The following NAALADL2 variants were observed in gnomAD, a reference collection of about 807,000 sequenced individuals.
NAALADL2 encodes the protein inactive N-acetylated-alpha-linked acidic dipeptidase-like protein 2.
NAALADL2 carries 76 observed loss-of-function variants against 87.2 expected under a neutral mutation model. The ratio of observed to expected loss-of-function variants is 0.87; its 90% confidence interval spans 0.72 to 1.05. NAALADL2 has a LOEUF of 1.05. Ranked by LOEUF, NAALADL2 falls within the 50% of genes least tolerant of loss-of-function variation. The probability of loss-of-function intolerance (pLI) is 0.00; values close to 1 mark genes in which losing one functional copy is unlikely to be tolerated. For synonymous variants in NAALADL2, 354 were observed against 331.0 expected (o/e 1.07, Z -0.75); for missense variants, 1,089 against 945.8 (o/e 1.15, Z -1.99).
intron 1 of NAALADL2, among the ~76,000 whole-genome samples, chr3:174,938,799 G>T (rs2108456638): frequency 6.6e-6 from 1 of 152,016 alleles, no homozygotes; most frequent in South Asian, 2.1e-4. Flanking sequence ...TTACATGCTT[G>T]TTGATCACAT....
At chr3:174,705,513 G>A (rs1007385634) in intron 2 of NAALADL2, among the ~76,000 whole-genome samples, 1 of 152,100 alleles carries the variant, frequency 6.6e-6, no homozygotes, top group Admixed American at 6.5e-5. Flanking sequence ...GGCCGGGCGC[G>A]ATGGCTCACG....
At chr3:175,022,042 G>C (rs1007081544) in intron 1 of NAALADL2, among the ~76,000 whole-genome samples, 10 of 151,892 alleles carry the variant, frequency 6.6e-5, no homozygotes, top group African/African-American at 2.4e-4. Flanking sequence ...TTGTTAAATA[G>C]AGCTTGGTAC....
chr3:175,001,801 C>A (rs1042141821), intron 1 of NAALADL2, among the ~76,000 whole-genome samples: 1 of 152,114 alleles, frequency 6.6e-6, no homozygotes, highest in African/African-American at 2.4e-5. Flanking sequence ...GCATCCTAAG[C>A]TGAAAACCCC....
intron 5 of NAALADL2, among the ~76,000 whole-genome samples, chr3:175,423,049 A>T (rs1207854042): frequency 2.7e-5 from 3 of 112,532 alleles, no homozygotes; most frequent in Admixed American, 2.1e-4. Flanking sequence ...ATATATATAT[A>T]TATTTTTTTT....
chr3:174,710,001 A>C (rs1730464036), intron 2 of NAALADL2, among the ~76,000 whole-genome samples: 1 of 152,186 alleles, frequency 6.6e-6, no homozygotes, highest in Non-Finnish European at 1.5e-5. Flanking sequence ...TGTGATTCAC[A>C]CTGATTTAAA....
intron 2 of NAALADL2, among the ~76,000 whole-genome samples, chr3:175,114,437 G>A (rs977283984): frequency 1.3e-5 from 2 of 151,522 alleles, no homozygotes; most frequent in African/African-American, 4.8e-5. Context: ...TAGGCTGTGG[G>A]GAATGTGTAT....
Position 174,495,277 on chromosome 3 carries a change from A to C in NAALADL2, c.-184+54245A>C, listed in dbSNP as rs544687732. ...TATTAACAAACCAAAAAAAAAAAAA[A>C]AAAACAGCCTTACTGCATTCATAAG... On this transcript the variant is annotated intron_variant, in intron 1 of 3. Transcript: ENST00000434257. Among the ~76,000 whole-genome samples the C allele has an allele frequency of 3.5e-3, 533 of 152,092 alleles. 3 individuals carry two copies. Among genetic ancestry groups the C allele is most frequent in the African/African-American group, 0.012 (488 of 41,492 alleles).
intron 13 of NAALADL2, among the ~76,000 whole-genome samples, chr3:175,800,787 A>G (rs918285888): frequency 2.6e-5 from 4 of 152,204 alleles, no homozygotes; most frequent in African/African-American, 9.6e-5. Flanking sequence ...GCACTGAATT[A>G]GACTTGATAC....
chr3:174,533,062 C>A (rs923360982), intron 1 of NAALADL2, among the ~76,000 whole-genome samples: 2 of 149,434 alleles, frequency 1.3e-5, no homozygotes, highest in South Asian at 2.1e-4. Context: ...TACAGACACC[C>A]CTTACCCTTT....
intron 5 of NAALADL2, among the ~76,000 whole-genome samples, chr3:175,332,776 T>C (rs1409601764): frequency 2.0e-5 from 3 of 152,178 alleles, no homozygotes; most frequent in Non-Finnish European, 4.4e-5. Flanking sequence ...TTAACTCCAA[T>C]GTTTGTTCAT....
At chr3:174,668,433 T>A (rs974080835) in intron 2 of NAALADL2, among the ~76,000 whole-genome samples, 4 of 152,182 alleles carry the variant, frequency 2.6e-5, no homozygotes, top group African/African-American at 7.2e-5. Context: ...GTCTTTTTTT[T>A]ATTATACTTT....
intron 3 of NAALADL2, among the ~76,000 whole-genome samples, chr3:175,251,052 C>T (rs922517658): frequency 3.9e-5 from 6 of 152,088 alleles, no homozygotes; most frequent in Admixed American, 3.3e-4. Context: ...TCTATAAAAA[C>T]GAGGTTTTTA....
chr3:175,423,001 G>A (rs1715972679), intron 5 of NAALADL2, among the ~76,000 whole-genome samples: 2 of 126,072 alleles, frequency 1.6e-5, no homozygotes, highest in Non-Finnish European at 3.2e-5. Context: ...TCAAAGAGAT[G>A]GCTCCCAGGT....
intron 2 of NAALADL2, among the ~76,000 whole-genome samples, chr3:174,713,422 A>G (rs1431506645): frequency 6.6e-6 from 1 of 152,196 alleles, no homozygotes; most frequent in Non-Finnish European, 1.5e-5. Flanking sequence ...TCCCACCAAC[A>G]GTGTAAAAGT....
chr3:175,321,308 A>C (rs1456950344), intron 4 of NAALADL2, among the ~76,000 whole-genome samples: 2 of 125,546 alleles, frequency 1.6e-5, no homozygotes. Context: ...AAAAACTCTC[A>C]ATAAATTAGG....
intron 2 of NAALADL2, among the ~76,000 whole-genome samples, chr3:175,205,786 G>C (rs1016950855): frequency 9.2e-5 from 14 of 151,792 alleles, no homozygotes; most frequent in African/African-American, 2.9e-4. Context: ...AGTGGGCCAA[G>C]GATGTGAATA....
chr3:175,731,752 C>G (rs534888560), intron 11 of NAALADL2, among the ~76,000 whole-genome samples: 1 of 152,074 alleles, frequency 6.6e-6, no homozygotes. Context: ...GCTTATATTC[C>G]AGTGTTCAAG....
At chr3:175,623,510 G>A (rs557069645) in intron 10 of NAALADL2, among the ~76,000 whole-genome samples, 41 of 152,164 alleles carry the variant, frequency 2.7e-4, no homozygotes, top group Admixed American at 5.9e-4. Context: ...CTGTTAATGT[G>A]AACTTATATG....
intron 2 of NAALADL2, among the ~76,000 whole-genome samples, chr3:175,111,098 C>T (rs1328933421): frequency 6.6e-6 from 1 of 151,666 alleles, no homozygotes; most frequent in Non-Finnish European, 1.5e-5. Context: ...TGAGAAATGA[C>T]TATTCAGCTA....
Sources: allele counts gnomAD v4.1 joint callset (sites outside exome capture counted in the v4.1 genomes callset), GRCh38; gene constraint gnomAD v4.1.1; transcripts MANE v1.5; gene names NCBI Gene and HGNC (gene_info 2026-07-23, HGNC 2026-07-21).